Variants in HBP1 observed in about 807,000 individuals in gnomAD.
The protein encoded by HBP1 is HMG box-containing protein 1.
Under a neutral mutation model 62.6 loss-of-function variants are expected in HBP1, and 20 were observed. That is an observed-to-expected ratio of 0.32 (90% CI 0.22 to 0.46). The LOEUF (loss-of-function observed/expected upper bound fraction) is 0.46, where lower values mean the gene tolerates loss of function less well. HBP1 is among the 20% of genes least tolerant of loss of function. The pLI is 1.00. For missense variants in HBP1, 480 were observed against 611.8 expected (o/e 0.78, Z 2.27); for synonymous variants, 232 against 206.2 (o/e 1.12, Z -1.07).
intron 1 of HBP1, among the ~76,000 whole-genome samples, chr7:107,178,909 C>T (rs559159869): frequency 5.9e-5 from 9 of 152,300 alleles, no homozygotes; most frequent in African/African-American, 1.9e-4. Flanking sequence ...TGGCACGCGC[C>T]TGTAATCCCA....
intron 1 of HBP1, among the ~76,000 whole-genome samples, chr7:107,175,574 C>G (rs1796796434): frequency 6.6e-6 from 1 of 151,940 alleles, no homozygotes. Context: ...GTAGTATAGC[C>G]TCAGTGTTCA....
intron 1 of HBP1, chr7:107,169,954 G>T (rs1030347051): frequency 4.1e-6 from 4 of 985,540 alleles, no homozygotes; most frequent in Non-Finnish European, 4.8e-6. Flanking sequence ...TGCTGCCACC[G>T]CAGGCCGATT....
chr7:107,177,118 TAAA>T (rs1437142791), intron 1 of HBP1, among the ~76,000 whole-genome samples: 1 of 152,204 alleles, frequency 6.6e-6, no homozygotes, highest in Non-Finnish European at 1.5e-5. Context: ...TGTCTGGGGA[TAAA>T]AAAATTTCAA....
Position 107,186,600 on chromosome 7 carries a change from T to C in HBP1, c.684T>C (p.Asn228=). ...GTRLCFHKGS[N]KEWQDVEDFA... is the part of the protein sequence containing the mutation. The stretch of plus-strand genomic sequence containing the variant: ...GACTGTGCTTTCATAAGGGAAGCAA[T>C]AAGGAATGGCAAGATGTTGAAGATT... Residue 228 remains asparagine, a synonymous_variant, in exon 6 of 11, where the codon AAT becomes AAC. Coordinates refer to ENST00000222574, the MANE Select transcript of HBP1 (RefSeq NM_012257.4). The C allele has an allele frequency of 1.9e-6, 3 of 1,613,622 alleles. No homozygotes were observed. Among genetic ancestry groups the C allele is most frequent in the Non-Finnish European group, 2.5e-6 (3 of 1,179,568 alleles).
chr7:107,169,004 G>C lies in HBP1; in HGVS notation c.-197G>C. 3.1e-6 allele frequency: 4 copies of C among 1,289,116 alleles called. No individual in the cohort carries two copies. Among genetic ancestry groups the C allele is most frequent in the Non-Finnish European group, 4.0e-6 (4 of 988,550 alleles). The allele number at this position is 1,289,116 out of a possible 1,614,324, so 79.9% of individuals were successfully genotyped here. A position where few individuals can be genotyped will look rare whatever the true frequency, so the allele number is the denominator to read the frequency against. On this transcript the variant is annotated 5_prime_UTR_variant, in exon 1 of 11. Coordinates refer to ENST00000222574, the MANE Select transcript of HBP1 (RefSeq NM_012257.4). Reference sequence around the variant, plus strand: ...GGGAGGGGGAAGACGAAGCTTGAAAGACTTGGTAATGGCGACGGGTTTGGT... The same window carrying C: ...GGGAGGGGGAAGACGAAGCTTGAAACACTTGGTAATGGCGACGGGTTTGGT...
chr7:107,199,969 C>T (rs1046037524), intron 9 of HBP1, among the ~76,000 whole-genome samples, 191 bp from the exon 10 acceptor site: 8 of 152,188 alleles, frequency 5.3e-5, no homozygotes, highest in African/African-American at 9.7e-5. Flanking sequence ...GCTGCTGATA[C>T]GGAACAATGG....
chr7:107,188,206 A>G (rs1215527205), intron 6 of HBP1, among the ~76,000 whole-genome samples: 1 of 152,200 alleles, frequency 6.6e-6, no homozygotes, highest in East Asian at 1.9e-4. Context: ...TTCCAGCTGC[A>G]TGTTAGACAT....
At chr7:107,183,571 T>G (rs576469126) in intron 3 of HBP1, among the ~76,000 whole-genome samples, 1 of 152,236 alleles carries the variant, frequency 6.6e-6, no homozygotes, top group African/African-American at 2.4e-5. Flanking sequence ...GTTTTCATTG[T>G]AATCTTAATA....
intron 6 of HBP1, among the ~76,000 whole-genome samples, 182 bp downstream of exon 6, chr7:107,186,863 T>C (rs572338085): frequency 4.1e-4 from 62 of 152,358 alleles, no homozygotes; most frequent in Non-Finnish European, 2.9e-5. Context: ...ATTTTAGGTT[T>C]GCCTTTCTAA....
rs777054154 is a variant in HBP1, at chr7:107,190,208, C to G, written c.958C>G (p.Gln320Glu). 6.2e-7 allele frequency: 1 copy of G among 1,611,196 alleles called. No individual in the cohort carries two copies. The highest frequency in any genetic ancestry group is 8.5e-7 in the Non-Finnish European group (1 of 1,177,966). The change falls in exon 8 of 11, where the codon CAG becomes GAG. Residue 320 changes from glutamine to glutamate, a missense_variant. Gln to Glu is a conservative substitution (Grantham distance 29, BLOSUM62 2). Coordinates refer to ENST00000222574, the MANE Select transcript of HBP1 (RefSeq NM_012257.4). ...ATTTTATCCAAGCTTGACTGTGGTACAGCATGGCATTCCATGTTGTGAAGT... is the reference window on the plus strand; with the variant it reads ...ATTTTATCCAAGCTTGACTGTGGTAGAGCATGGCATTCCATGTTGTGAAGT... ...SSFYPSLTVV[Q>E]HGIPCCEVHI...
At chr7:107,197,785 G>GT (rs1359255941) in intron 9 of HBP1, among the ~76,000 whole-genome samples, 2 of 152,188 alleles carry the variant, frequency 1.3e-5, no homozygotes, top group Non-Finnish European at 2.9e-5. Flanking sequence ...AAAAGAGTGG[G>GT]TTTAAGTGTG....
chr7:107,173,224 G>A (rs927368504), intron 1 of HBP1, among the ~76,000 whole-genome samples: 1 of 152,178 alleles, frequency 6.6e-6, no homozygotes, highest in Non-Finnish European at 1.5e-5. Context: ...CTCAGTTTCA[G>A]AGATAGAAAT....
chr7:107,170,454 CA>C (rs1426880797), intron 1 of HBP1, among the ~76,000 whole-genome samples: 2 of 152,142 alleles, frequency 1.3e-5, no homozygotes, highest in African/African-American at 4.8e-5. Flanking sequence ...CTTTATCTTG[CA>C]AATGAGTGTG....
chr7:107,180,151 C>A, intron 2 of HBP1, 89 bp downstream of exon 2: 1 of 700,052 alleles, frequency 1.4e-6, no homozygotes, highest in South Asian at 2.3e-5. Flanking sequence ...CCTTGACTGG[C>A]TAGAAAGGGA....
At chr7:107,192,901 G>T (rs1023322889) in intron 8 of HBP1, 1 of 152,226 alleles carries the variant, frequency 6.6e-6, no homozygotes, top group Non-Finnish European at 1.5e-5. Flanking sequence ...GATTAGACTG[G>T]TTAAGGGAGA....
chr7:107,177,695 A>G (rs1241250687), intron 1 of HBP1, among the ~76,000 whole-genome samples: 1 of 152,208 alleles, frequency 6.6e-6, no homozygotes, highest in East Asian at 1.9e-4. Context: ...ATGAACTTAT[A>G]TTAGGCCAAA....
intron 3 of HBP1, among the ~76,000 whole-genome samples, chr7:107,185,507 C>T (rs1487373040): frequency 2.0e-5 from 3 of 152,018 alleles, no homozygotes; most frequent in African/African-American, 4.8e-5. Flanking sequence ...ACGAAATATA[C>T]ACATGTATAT....
intron 9 of HBP1, among the ~76,000 whole-genome samples, chr7:107,199,034 A>G (rs1006275851): frequency 1.3e-5 from 2 of 152,150 alleles, no homozygotes; most frequent in Non-Finnish European, 2.9e-5. Flanking sequence ...ACCCAAGACT[A>G]AAAGTTTTTT....
chr7:107,174,156 A>T (rs984764127), intron 1 of HBP1, among the ~76,000 whole-genome samples: 15 of 152,204 alleles, frequency 9.9e-5, no homozygotes, highest in Admixed American at 7.9e-4. Flanking sequence ...TGAGGTAAGT[A>T]GAGGGACCGA....
Sources: allele counts gnomAD v4.1 joint callset (sites outside exome capture counted in the v4.1 genomes callset), GRCh38; gene constraint gnomAD v4.1.1; transcripts MANE v1.5; gene names NCBI Gene and HGNC (gene_info 2026-07-23, HGNC 2026-07-21).